MNAT1: variants seen among roughly 807,000 people sequenced by gnomAD.
The protein encoded by MNAT1 is MNAT1 component of CDK activating kinase, also known as CDK-activating kinase assembly factor MAT1.
MNAT1 carries 43 observed loss-of-function variants against 42.0 expected under a neutral mutation model. The ratio of observed to expected loss-of-function variants is 1.02; its 90% confidence interval spans 0.80 to 1.32. MNAT1 has a LOEUF of 1.32. Among genes scored for constraint, MNAT1 ranks in the 40% most tolerant of loss-of-function variants. The probability of loss-of-function intolerance (pLI) is 0.00; values close to 1 mark genes in which losing one functional copy is unlikely to be tolerated. For synonymous variants in MNAT1, 118 were observed against 120.0 expected (o/e 0.98, Z 0.11); for missense variants, 306 against 350.4 (o/e 0.87, Z 1.01).
At chr14:60,793,142 C>T (rs945361972) in intron 1 of MNAT1, among the ~76,000 whole-genome samples, 25 of 151,668 alleles carry the variant, frequency 1.6e-4, no homozygotes, top group African/African-American at 5.6e-4. Context: ...GTAGCTGGGA[C>T]GCAAGCGTGT....
rs186647685 is a variant in MNAT1, at chr14:60,853,554, T to C, written c.688-26160T>C. On this transcript the variant is annotated intron_variant, in intron 6 of 7. Coordinates refer to ENST00000261245, the MANE Select transcript of MNAT1 (RefSeq NM_002431.4). The stretch of plus-strand genomic sequence containing the variant: ...CTCTTTATTTCTTTCTCTTGCCTGA[T>C]TGTCCTGGCCAGAACTACCAGTACT... 9.1e-4 allele frequency among the ~76,000 whole-genome samples: 138 copies of C among 152,332 alleles called. 1 individual carries two copies. Among genetic ancestry groups the C allele is most frequent in the Admixed American group, 1.8e-3 (28 of 15,304 alleles).
intron 7 of MNAT1, among the ~76,000 whole-genome samples, chr14:60,960,793 A>G (rs975009852): frequency 6.6e-6 from 1 of 151,888 alleles, no homozygotes; most frequent in Admixed American, 6.6e-5. Context: ...AGTAGTTTTC[A>G]TTATTTTCAC....
chr14:60,755,618 A>G (rs1360213503), intron 1 of MNAT1, among the ~76,000 whole-genome samples: 1 of 152,202 alleles, frequency 6.6e-6, no homozygotes, highest in Non-Finnish European at 1.5e-5. Flanking sequence ...AAATATAGTG[A>G]AGATTACCCT....
chr14:60,800,196 GA>G (rs35012398), intron 3 of MNAT1, among the ~76,000 whole-genome samples: 32,640 of 151,940 alleles, frequency 0.21, 4,312 homozygotes, highest in East Asian at 0.42. Flanking sequence ...TAAGGTTGGG[GA>G]AAAAATTGTA....
At chr14:60,800,524 A>T (rs1040134626) in intron 3 of MNAT1, among the ~76,000 whole-genome samples, 1 of 152,190 alleles carries the variant, frequency 6.6e-6, no homozygotes, top group African/African-American at 2.4e-5. Flanking sequence ...TAGGCAACAG[A>T]GCATGCCCAT....
intron 4 of MNAT1, among the ~76,000 whole-genome samples, chr14:60,811,594 G>A (rs913320412): frequency 1.3e-4 from 19 of 151,928 alleles, no homozygotes; most frequent in Admixed American, 2.6e-4. Flanking sequence ...GAGCCGCTGC[G>A]TAGGGCTCTT....
At chr14:60,898,134 T>C (rs2034998509) in intron 7 of MNAT1, among the ~76,000 whole-genome samples, 1 of 117,206 alleles carries the variant, frequency 8.5e-6, no homozygotes, top group Non-Finnish European at 1.7e-5. Context: ...TGTGTGTGTG[T>C]GTGTGTGCGC....
At chr14:60,816,796 G>A (rs1046279683) in intron 5 of MNAT1, among the ~76,000 whole-genome samples, 1 of 151,966 alleles carries the variant, frequency 6.6e-6, no homozygotes, top group South Asian at 2.1e-4. Flanking sequence ...AGGCTTCCAG[G>A]CTTCAAAATT....
chr14:60,780,731 T>C (rs538457861), intron 1 of MNAT1: 1 of 597,374 alleles, frequency 1.7e-6, no homozygotes, highest in Non-Finnish European at 2.9e-6. Flanking sequence ...TACTGAACTG[T>C]GTGTAATTGT....
Position 60,820,985 on chromosome 14 carries a change from A to G in MNAT1, c.687+2138A>G, listed in dbSNP as rs146796096. Among the ~76,000 whole-genome samples the G allele has an allele frequency of 4.5e-3, 682 of 152,286 alleles. 9 individuals are homozygous for G. Among genetic ancestry groups the G allele is most frequent in the African/African-American group, 0.015 (609 of 41,560 alleles). ...CAGGCAGAGAAAAGAGCAGTAAAGA[A>G]GGCCTAAGGTAAGAAACAGCATTTT... On this transcript the variant is annotated intron_variant, in intron 6 of 7. Coordinates refer to ENST00000261245, the MANE Select transcript of MNAT1 (RefSeq NM_002431.4).
intron 1 of MNAT1, among the ~76,000 whole-genome samples, chr14:60,791,307 A>G (rs1161933735): frequency 2.0e-5 from 3 of 152,164 alleles, no homozygotes; most frequent in Admixed American, 6.6e-5. Flanking sequence ...TTTGAGGGCA[A>G]TATCTTTTCT....
chr14:60,864,065 G>A (rs1183937010), intron 6 of MNAT1, among the ~76,000 whole-genome samples: 4 of 151,934 alleles, frequency 2.6e-5, no homozygotes, highest in Non-Finnish European at 5.9e-5. Context: ...CAACTTCTAA[G>A]TGAGTATCTA....
chr14:60,886,061 G>A (rs147939785), intron 7 of MNAT1, among the ~76,000 whole-genome samples: 215 of 152,040 alleles, frequency 1.4e-3, no homozygotes, highest in African/African-American at 4.3e-3. Flanking sequence ...TCAAAAATTA[G>A]TTGACTGCAG....
rs371767889 is a variant in MNAT1, at chr14:60,797,406, T to C, written c.243-681T>C. On this transcript the variant is annotated intron_variant, in intron 2 of 7. Transcript: ENST00000261245. The stretch of plus-strand genomic sequence containing the variant: ...GGAGGAGTCGCTTCAATTTTTTGTG[T>C]TTTGGAAATTAGTGAATCCCTTAGA... Among the ~76,000 whole-genome samples the C allele has an allele frequency of 3.3e-4, 51 of 152,290 alleles. No homozygotes were observed. The South Asian group carries it at 0.01, about 30-fold the overall frequency.
At chr14:60,794,660 A>AAAAAAAAAT (rs1555375163) in intron 1 of MNAT1, among the ~76,000 whole-genome samples, 1 of 28,634 alleles carries the variant, frequency 3.5e-5, no homozygotes, top group Admixed American at 6.5e-4. Context: ...AAAAAAAAAA[A>AAAAAAAAAT]ATATATATAT....
At chr14:60,923,066 A>G (rs1206988148) in intron 7 of MNAT1, among the ~76,000 whole-genome samples, 1 of 152,176 alleles carries the variant, frequency 6.6e-6, no homozygotes, top group African/African-American at 2.4e-5. Flanking sequence ...TCTTTCCCAT[A>G]TTTGTGAATA....
At chr14:60,940,975 G>T (rs1014207858) in intron 7 of MNAT1, among the ~76,000 whole-genome samples, 7 of 152,160 alleles carry the variant, frequency 4.6e-5, no homozygotes, top group African/African-American at 1.7e-4. Flanking sequence ...AATGTTAACT[G>T]TATGACGTTC....
At chr14:60,735,516 T>G (rs1196925016) in intron 1 of MNAT1, among the ~76,000 whole-genome samples, 1 of 152,188 alleles carries the variant, frequency 6.6e-6, no homozygotes, top group Non-Finnish European at 1.5e-5. Context: ...GGCATTTGAG[T>G]GCACATTTTG....
chr14:60,789,758 G>A (rs1029753833), intron 1 of MNAT1, among the ~76,000 whole-genome samples: 2 of 152,134 alleles, frequency 1.3e-5, no homozygotes, highest in African/African-American at 4.8e-5. Flanking sequence ...TTCATCAGTG[G>A]CAGAAAGAAT....
Sources: gnomAD v4.1 joint callset for allele counts (sites outside exome capture counted in the v4.1 genomes callset) on GRCh38, gnomAD v4.1.1 for gene constraint, MANE v1.5 for transcripts, NCBI Gene and HGNC (gene_info 2026-07-23, HGNC 2026-07-21) for gene names.